The following NXPH1 variants were observed in gnomAD, a reference collection of about 807,000 sequenced individuals.
NXPH1 encodes neurexophilin 1.
Under a neutral mutation model 23.7 loss-of-function variants are expected in NXPH1, and 5 were observed. The observed-to-expected ratio is 0.21, with a 90% CI of 0.11 to 0.44. NXPH1 has a LOEUF of 0.44. NXPH1 is among the 20% of genes least tolerant of loss of function. The pLI is 0.99. For missense variants in NXPH1, 324 were observed against 321.6 expected (o/e 1.01, Z -0.06); for synonymous variants, 144 against 122.2 (o/e 1.18, Z -1.18).
intron 2 of NXPH1, among the ~76,000 whole-genome samples, chr7:8,619,164 A>G (rs931993102): frequency 1.3e-5 from 2 of 152,138 alleles, no homozygotes; most frequent in African/African-American, 4.8e-5. Context: ...TGCTTTTGCC[A>G]TGTGTTCCTG....
chr7:8,719,227 T>C (rs1779926179), intron 2 of NXPH1, among the ~76,000 whole-genome samples: 1 of 152,184 alleles, frequency 6.6e-6, no homozygotes, highest in South Asian at 2.1e-4. Flanking sequence ...TCAGACTTAA[T>C]AGGAGATAAT....
chr7:8,555,611 G>C (rs73233701), intron 2 of NXPH1, among the ~76,000 whole-genome samples: 3,168 of 151,730 alleles, frequency 0.021, 129 homozygotes, highest in African/African-American at 0.073. Flanking sequence ...GGTTGTAAAA[G>C]CTTGGAGTAG....
At chr7:8,565,511 A>G (rs1467983536) in intron 2 of NXPH1, among the ~76,000 whole-genome samples, 2 of 151,836 alleles carry the variant, frequency 1.3e-5, no homozygotes, top group Non-Finnish European at 2.9e-5. Flanking sequence ...ACATAAATAT[A>G]AAGGAGAGAG....
chr7:8,583,572 A>G (rs1230021638), intron 2 of NXPH1, among the ~76,000 whole-genome samples: 1 of 152,164 alleles, frequency 6.6e-6, no homozygotes, highest in Non-Finnish European at 1.5e-5. Context: ...ACTGAGTTGC[A>G]GGGGGTTTAA....
At chr7:8,521,815 A>T (rs1174952384) in intron 2 of NXPH1, among the ~76,000 whole-genome samples, 3 of 152,200 alleles carry the variant, frequency 2.0e-5, no homozygotes, top group Non-Finnish European at 4.4e-5. Flanking sequence ...AATTCAGGTG[A>T]ACAAGCTTCC....
chr7:8,439,085 T>C (rs1816247162), intron 2 of NXPH1, among the ~76,000 whole-genome samples: 1 of 152,112 alleles, frequency 6.6e-6, no homozygotes, highest in Non-Finnish European at 1.5e-5. Context: ...CTGAATTCAA[T>C]AGGAGAGAAG....
intron 2 of NXPH1, among the ~76,000 whole-genome samples, chr7:8,719,644 C>T (rs951603879): frequency 6.6e-6 from 1 of 152,066 alleles, no homozygotes; most frequent in South Asian, 2.1e-4. Flanking sequence ...TAGGCAGTTC[C>T]CATAAAAAAG....
intron 2 of NXPH1, among the ~76,000 whole-genome samples, chr7:8,528,930 TC>T (rs1817908350): frequency 6.6e-6 from 1 of 152,226 alleles, no homozygotes; most frequent in East Asian, 1.9e-4. Context: ...AGCACTTGCT[TC>T]TTTGGTTAGG....
At chr7:8,446,814 G>A (rs755777805) in intron 2 of NXPH1, among the ~76,000 whole-genome samples, 4 of 151,318 alleles carry the variant, frequency 2.6e-5, no homozygotes, top group Admixed American at 6.6e-5. Context: ...TACCTTCCTG[G>A]ACTGAGAATT....
chr7:8,678,928 ATTTTTTTTTTTTTTTTTTT>A (rs540056222), intron 2 of NXPH1, among the ~76,000 whole-genome samples: 11 of 68,802 alleles, frequency 1.6e-4, no homozygotes, highest in African/African-American at 5.2e-4. Flanking sequence ...GCTTTATCCA[ATTTTTTTTTTTTTTTTTTT>A]TTTTTTTTTT....
In NXPH1 at chr7:8,737,169, C is replaced by A. The variant is rs188876285; in HGVS notation, c.55-13839C>A. On this transcript the variant is annotated intron_variant, in intron 2 of 2. Coordinates refer to ENST00000405863, the MANE Select transcript of NXPH1 (RefSeq NM_152745.3). ...TTGTTGTGTGTGAATTTGATCATGT[C>A]AGTATGATGCTAGCTGGTTATTTTG... is the stretch of plus-strand genomic sequence containing the variant. Among the ~76,000 whole-genome samples, 321 of 152,190 alleles carry A rather than the reference C, an allele frequency of 2.1e-3. 2 individuals are homozygous for A. Among genetic ancestry groups the A allele is most frequent in the African/African-American group, 7.5e-3 (312 of 41,540 alleles).
intron 2 of NXPH1, among the ~76,000 whole-genome samples, chr7:8,539,355 G>A (rs1415397301): frequency 6.6e-6 from 1 of 151,808 alleles, no homozygotes; most frequent in Non-Finnish European, 1.5e-5. Flanking sequence ...GGGAGTTAGA[G>A]GTTTGTTGGA....
At chr7:8,439,346 AG>A (rs1457135454) in intron 2 of NXPH1, among the ~76,000 whole-genome samples, 5 of 152,186 alleles carry the variant, frequency 3.3e-5, no homozygotes, top group Non-Finnish European at 5.9e-5. Flanking sequence ...ACACCAGGAA[AG>A]CATCTCCCAC....
intron 2 of NXPH1, among the ~76,000 whole-genome samples, chr7:8,668,244 T>C (rs796179214): frequency 2.1e-5 from 3 of 145,756 alleles, no homozygotes; most frequent in Non-Finnish European, 4.5e-5. Context: ...TTTGATGGTG[T>C]TATGTCTCTT....
chr7:8,740,900 T>C (rs1389692196), intron 2 of NXPH1, among the ~76,000 whole-genome samples: 1 of 152,138 alleles, frequency 6.6e-6, no homozygotes, highest in African/African-American at 2.4e-5. Flanking sequence ...TTTGTGTGTG[T>C]GTATGTAGTG....
At chr7:8,662,816 C>CT (rs1191704384) in intron 2 of NXPH1, among the ~76,000 whole-genome samples, 3 of 152,038 alleles carry the variant, frequency 2.0e-5, no homozygotes, top group Non-Finnish European at 4.4e-5. Context: ...ATTTGTGCAG[C>CT]TACTAGTGTT....
intron 2 of NXPH1, among the ~76,000 whole-genome samples, chr7:8,483,490 G>C (rs576561223): frequency 2.1e-4 from 32 of 151,898 alleles, no homozygotes; most frequent in Non-Finnish European, 4.1e-4. Context: ...TGTATTTTCT[G>C]TAGAGACTGG....
At chr7:8,458,712 A>G (rs1816641233) in intron 2 of NXPH1, among the ~76,000 whole-genome samples, 1 of 152,164 alleles carries the variant, frequency 6.6e-6, no homozygotes, top group Admixed American at 6.5e-5. Context: ...TAACTATTCA[A>G]TAGAGTTGTT....
chr7:8,459,590 C>G (rs943269085), intron 2 of NXPH1, among the ~76,000 whole-genome samples: 6 of 152,162 alleles, frequency 3.9e-5, no homozygotes, highest in African/African-American at 1.4e-4. Context: ...AATGCAAATG[C>G]AGTCACTGCT....
Sources: gnomAD v4.1 joint callset for allele counts (sites outside exome capture counted in the v4.1 genomes callset) on GRCh38, gnomAD v4.1.1 for gene constraint, MANE v1.5 for transcripts, NCBI Gene and HGNC (gene_info 2026-07-23, HGNC 2026-07-21) for gene names.